Variants in MUC6 observed in about 807,000 individuals in gnomAD.
The protein encoded by MUC6 is mucin-6.
Under a neutral mutation model 201.5 loss-of-function variants are expected in MUC6, and 188 were observed. The observed-to-expected ratio is 0.93, with a 90% CI of 0.83 to 1.05. The LOEUF (loss-of-function observed/expected upper bound fraction) is 1.05. MUC6 is among the 50% of genes least tolerant of loss of function. The probability of loss-of-function intolerance (pLI) is 0.00; values close to 1 mark genes in which losing one functional copy is unlikely to be tolerated. For synonymous variants in MUC6, 1,228 were observed against 1,389.4 expected, an observed-to-expected ratio of 0.88 and a Z score of 2.58; for missense variants, 2,706 against 3,256.9, an observed-to-expected ratio of 0.83 and a Z score of 4.12.
Position 1,028,063 on chromosome 11 carries a change from G to T in MUC6, c.1754-4C>A. On this transcript the variant is annotated splice_region_variant and splice_polypyrimidine_tract_variant and intron_variant, in intron 14 of 32. Coordinates refer to ENST00000421673, the MANE Select transcript of MUC6 (RefSeq NM_005961.3). ...CAGTGGGTCTCTGCACACACCTCTG[G>T]GGATGACAGGCCCGGGCGTGAGTCC... 1 of 1,566,432 alleles carries T rather than the reference G, an allele frequency of 6.4e-7. No homozygotes were observed. The highest frequency in any genetic ancestry group is 8.7e-7 in the Non-Finnish European group (1 of 1,156,020).
At position 1,025,840 on chromosome 11, in the gene MUC6, C is replaced by A. The variant is rs972055999; in HGVS notation, c.2764G>T (p.Val922Phe). ...TENVICGNSG[V>F]TCSRAIKIFL... ...ATCTTGATGGCCCGTGAGCATGTGA[C>A]CCCGGAGTTCCCACAGATGACGTTC... The change falls in exon 22 of 33, where the codon GTC becomes TTC. Residue 922 changes from valine (V) to phenylalanine (F), a missense_variant. Coordinates refer to ENST00000421673, the MANE Select transcript of MUC6 (RefSeq NM_005961.3). 1.2e-6 allele frequency: 2 copies of A among 1,612,900 alleles called. No individual in the cohort carries two copies. The highest frequency in any genetic ancestry group is 8.5e-7 in the Non-Finnish European group (1 of 1,179,766).
intron 13 of MUC6, 114 bp from the exon 14 acceptor site, chr11:1,028,501 G>A (rs954534223): frequency 8.2e-5 from 126 of 1,531,986 alleles, no homozygotes; most frequent in South Asian, 1.5e-4. Flanking sequence ...GAGAGGCTGC[G>A]TGGGCCACAC....
intron 1 of MUC6, among the ~76,000 whole-genome samples, chr11:1,035,852 G>C (rs775409055): frequency 6.6e-6 from 1 of 152,156 alleles, no homozygotes; most frequent in Non-Finnish European, 1.5e-5. Context: ...CCCTTGGGCT[G>C]GTGCCTTGGT....
At position 1,030,087 on chromosome 11, in the gene MUC6, G is replaced by A. The variant is rs979093775; in HGVS notation, c.1015+126C>T. On this transcript the variant is annotated intron_variant, in intron 8 of 32. Transcript: ENST00000421673. ...GCCTGTCCCAGGGCAAGAGGCGCCA[G>A]AGCTGGGACTCAGGCAGCAGAATGT... 57 of 1,228,178 alleles carry A rather than the reference G, an allele frequency of 4.6e-5. No homozygotes were observed. The Middle Eastern group carries it at 1.1e-3, about 24-fold the overall frequency. 76.1% of individuals were successfully genotyped at this position (1,228,178 alleles called of 1,614,324 possible).
At chr11:1,026,556 T>C in intron 19 of MUC6, 78 bp from the exon 20 acceptor site, 1 of 1,399,974 alleles carries the variant, frequency 7.1e-7, no homozygotes, top group Non-Finnish European at 9.4e-7. Context: ...CCTCTGAGAC[T>C]GCCCGGCGTG....
rs374090660 is a variant in MUC6, at chr11:1,021,225, G to A, written c.3579C>T (p.Cys1193=). 72 of 1,588,918 alleles carry A rather than the reference G, an allele frequency of 4.5e-5. 1 individual carries two copies. The highest frequency in any genetic ancestry group is 2.7e-4 in the Admixed American group (15 of 55,506). The change falls in exon 27 of 33, where the codon TGC becomes TGT. Residue 1193 remains cysteine (C), a synonymous_variant. Transcript: ENST00000421673. ...DEYFDHEEGV[C]VPCMPPTTPQ... Reference sequence around the variant, plus strand: ...GCCGACTGGACTTACTGCAGGGCACGCACACCCCCTCCTCGTGGTCGAAGT... The same window carrying A: ...GCCGACTGGACTTACTGCAGGGCACACACACCCCCTCCTCGTGGTCGAAGT...
In MUC6 at chr11:1,027,533, G is replaced by C. The variant is rs778307508; in HGVS notation, c.1982-16C>G. ...CAGGGGATGGCTGTGGGGGACCCGG[G>C]CATCAGACTCTCCGGGAGGGGGCGG... On this transcript the variant is annotated splice_polypyrimidine_tract_variant and intron_variant, in intron 16 of 32. Transcript: ENST00000421673. 2 of 1,611,424 alleles carry C rather than the reference G, an allele frequency of 1.2e-6. No individual in the cohort carries two copies. Among genetic ancestry groups the C allele is most frequent in the East Asian group, 4.5e-5 (2 of 44,842 alleles).
chr11:1,021,506 G>A (rs549932805), intron 26 of MUC6, among the ~76,000 whole-genome samples: 2 of 152,084 alleles, frequency 1.3e-5, no homozygotes, highest in South Asian at 4.2e-4. Context: ...AGGTAGCTGC[G>A]ATTGCAGGCA....
intron 13 of MUC6, 99 bp downstream of exon 13, chr11:1,028,547 G>C: frequency 6.5e-7 from 1 of 1,547,058 alleles, no homozygotes; most frequent in Non-Finnish European, 8.7e-7. Context: ...CGGACACAGA[G>C]GGTTGTGTGA....
At chr11:1,015,253 C>T (rs1446293626) in intron 31 of MUC6, among the ~76,000 whole-genome samples, 2 of 152,196 alleles carry the variant, frequency 1.3e-5, no homozygotes, top group African/African-American at 4.8e-5. Context: ...GGCATGAGCA[C>T]GAAGGAGCAG....
At chr11:1,019,982 G>T in intron 29 of MUC6, 108 bp downstream of exon 29, 1 of 1,338,210 alleles carries the variant, frequency 7.5e-7, no homozygotes, top group Non-Finnish European at 1.0e-6. Flanking sequence ...AATCTGCTTA[G>T]TGGCAGATGT....
At chr11:1,032,965 G>T in intron 2 of MUC6, 48 bp downstream of exon 2, 1 of 1,528,822 alleles carries the variant, frequency 6.5e-7, no homozygotes. Context: ...CCTGCACACC[G>T]GGCCTGGGTG....
At chr11:1,024,345 C>G (rs1177779997) in intron 24 of MUC6, among the ~76,000 whole-genome samples, 2 of 152,236 alleles carry the variant, frequency 1.3e-5, no homozygotes, top group African/African-American at 4.8e-5. Context: ...CAAGATGCCG[C>G]TGCCGCTAAC....
Position 1,016,392 on chromosome 11 carries a change from C to G in MUC6, c.6409G>C (p.Ala2137Pro). The change falls in exon 31 of 33, where the codon GCC becomes CCC. Residue 2137 changes from alanine to proline, a missense_variant. This residue lies in a region of MUC6 where 586 missense variants were observed against 488.0 expected (regional missense o/e 1.20). Coordinates refer to ENST00000421673, the MANE Select transcript of MUC6 (RefSeq NM_005961.3). ...ACATAAGAAGAAACAGTAGAGGGGG[C>G]AGAAGGACTGGGAGAAAATGAGGAG... ...LSSSFSPSPS[A>P]PSTVSSYVPS... The G allele has an allele frequency of 1.2e-6, 2 of 1,612,924 alleles. No individual in the cohort carries two copies. The highest frequency in any genetic ancestry group is 1.7e-6 in the Non-Finnish European group (2 of 1,179,490).
chr11:1,028,031 C>A lies in MUC6; in HGVS notation c.1782G>T (p.Met594Ile). Residue 594 changes from methionine (M) to isoleucine (I), a missense_variant, in exon 15 of 33, where the codon ATG becomes ATT. Met to Ile is a conservative substitution (Grantham distance 10). This residue lies in a region of MUC6 where 1,850 missense variants were observed against 1,958.3 expected (regional missense o/e 0.94). Transcript: ENST00000421673. ...CGAACACCGTGCCTGTCCTCAGCAGCATGGAGCAGTGGGTCTCTGCACACA... is the reference window on the plus strand; with the variant it reads ...CGAACACCGTGCCTGTCCTCAGCAGAATGGAGCAGTGGGTCTCTGCACACA... ...NKVCAETHCS[M>I]LLRTGTVFER... 6.3e-7 allele frequency: 1 copy of A among 1,582,550 alleles called. No homozygotes were observed. Among genetic ancestry groups the A allele is most frequent in the African/African-American group, 1.3e-5 (1 of 74,216 alleles).
chr11:1,024,091 G>T lies in MUC6; in HGVS notation c.3238C>A (p.Pro1080Thr), dbSNP rs747364713. Residue 1080 changes from proline to threonine, a missense_variant, in exon 25 of 33, where the codon CCC (proline) becomes ACC (threonine). By Grantham distance (38) the Pro-to-Thr change is conservative. This residue lies in a region of MUC6 where 1,850 missense variants were observed against 1,958.3 expected (regional missense o/e 0.94). Coordinates refer to ENST00000421673, the MANE Select transcript of MUC6 (RefSeq NM_005961.3). ...TCGCGCACGCAGGCCTCGTAGTAGGGCAGGTGGTATACCTGCAGGGGTGTG... is the reference window on the plus strand; with the variant it reads ...TCGCGCACGCAGGCCTCGTAGTAGGTCAGGTGGTATACCTGCAGGGGTGTG... The part of the protein sequence containing the change: ...ATCHSKVYHL[P>T]YYEACVRDAC... 1.5e-5 allele frequency: 24 copies of T among 1,612,640 alleles called. No individual in the cohort carries two copies. Among genetic ancestry groups the T allele is most frequent in the Non-Finnish European group, 2.0e-5 (24 of 1,179,738 alleles).
At position 1,028,066 on chromosome 11, in the gene MUC6, A is replaced by G; in HGVS notation, c.1754-7T>C. 6.4e-7 allele frequency: 1 copy of G among 1,564,554 alleles called. No homozygotes were observed. The highest frequency in any genetic ancestry group is 8.7e-7 in the Non-Finnish European group (1 of 1,154,894). ...TGGGTCTCTGCACACACCTCTGGGGATGACAGGCCCGGGCGTGAGTCCCGG... is the reference window on the plus strand; with the variant it reads ...TGGGTCTCTGCACACACCTCTGGGGGTGACAGGCCCGGGCGTGAGTCCCGG... On this transcript the variant is annotated splice_region_variant and splice_polypyrimidine_tract_variant and intron_variant, in intron 14 of 32. Coordinates refer to ENST00000421673, the MANE Select transcript of MUC6 (RefSeq NM_005961.3).
Position 1,025,091 on chromosome 11 carries a change from C to T in MUC6, c.2986-8G>A, listed in dbSNP as rs142727563. The T allele has an allele frequency of 5.3e-3, 8,547 of 1,612,860 alleles. 37 individuals carry two copies. The highest frequency in any genetic ancestry group is 6.4e-3 in the Non-Finnish European group (7,515 of 1,179,826). Reference sequence around the variant, plus strand: ...CAAGCCGCAGAGGGGATCCTGCAGACGGTGGCATCAGGCCGGGCCCAGGGG... The same window carrying T: ...CAAGCCGCAGAGGGGATCCTGCAGATGGTGGCATCAGGCCGGGCCCAGGGG... On this transcript the variant is annotated splice_region_variant and splice_polypyrimidine_tract_variant and intron_variant, in intron 23 of 32. Transcript: ENST00000421673.
chr11:1,024,055 A>T lies in MUC6; in HGVS notation c.3274T>A (p.Cys1092Ser), dbSNP rs1433775656. ...YEACVRDACGCDSGGDCECLC... is the reference protein window; with the variant it reads ...YEACVRDACGSDSGGDCECLC... Reference sequence around the variant, plus strand: ...CACTCACAGTCCCCGCCACTGTCACACCCACATGCGTCGCGCACGCAGGCC... The same window carrying T: ...CACTCACAGTCCCCGCCACTGTCACTCCCACATGCGTCGCGCACGCAGGCC... Residue 1092 changes from cysteine to serine, a missense_variant, in exon 25 of 33, where the codon TGT becomes AGT. By Grantham distance (112) the Cys-to-Ser change is moderately radical. Transcript: ENST00000421673. The T allele has an allele frequency of 6.2e-7, 1 of 1,613,036 alleles. No individual in the cohort carries two copies. Among genetic ancestry groups the T allele is most frequent in the Non-Finnish European group, 8.5e-7 (1 of 1,179,764 alleles).
Sources: gnomAD v4.1 joint callset for allele counts (sites outside exome capture counted in the v4.1 genomes callset) on GRCh38, gnomAD v4.1.1 for gene constraint, gnomAD v4.1.1 regional missense constraint, MANE v1.5 for transcripts, NCBI Gene and HGNC (gene_info 2026-07-23, HGNC 2026-07-21) for gene names.